CFAP206: variants seen among roughly 807,000 people sequenced by gnomAD.
The protein encoded by CFAP206 is cilia- and flagella-associated protein 206.
A neutral mutation model predicts 65.4 loss-of-function variants in CFAP206; 53 were observed. The ratio of observed to expected loss-of-function variants is 0.81; its 90% CI spans 0.65 to 1.02. The LOEUF (loss-of-function observed/expected upper bound fraction) is 1.02. Among genes scored for constraint, CFAP206 ranks in the 50% least tolerant of loss-of-function variants. The pLI, the probability that CFAP206 is intolerant of heterozygous loss-of-function variation, is 0.00. For synonymous variants in CFAP206, 250 were observed against 254.4 expected (o/e 0.98, Z 0.17); for missense variants, 663 against 753.2 (o/e 0.88, Z 1.40).
At chr6:87,417,941 T>C (rs576124102) in intron 6 of CFAP206, among the ~76,000 whole-genome samples, 4 of 152,046 alleles carry the variant, frequency 2.6e-5, no homozygotes, top group African/African-American at 9.6e-5. Flanking sequence ...GGTTTCACCA[T>C]GTTGGCCAGG....
intron 11 of CFAP206, chr6:87,435,761 G>A (rs1332910290): frequency 1.3e-5 from 2 of 152,222 alleles, no homozygotes; most frequent in Non-Finnish European, 2.9e-5. Flanking sequence ...CTGGGTTCAA[G>A]GGATCGTCTT....
In CFAP206 at chr6:87,413,567, G is replaced by A. The variant is rs149398151; in HGVS notation, c.193-243G>A. 8.1e-3 allele frequency among the ~76,000 whole-genome samples: 1,226 copies of A among 151,824 alleles called. 6 individuals carry two copies. The highest frequency in any genetic ancestry group is 0.014 in the Middle Eastern group (4 of 292). ...AAAAGCCCAGGCTTCACCACTACAC[G>A]CAATATATCCATGTAACAAAATGAC... is the stretch of plus-strand genomic sequence containing the variant. On this transcript the variant is annotated intron_variant, in intron 3 of 12. Coordinates refer to ENST00000369562, the MANE Select transcript of CFAP206 (RefSeq NM_001031743.3).
At chr6:87,448,003 C>T (rs1002383362) in intron 11 of CFAP206, among the ~76,000 whole-genome samples, 4 of 124,194 alleles carry the variant, frequency 3.2e-5, no homozygotes, top group East Asian at 4.7e-4. Context: ...ATGTGCAGAA[C>T]GTGCAGGTTT....
intron 11 of CFAP206, among the ~76,000 whole-genome samples, chr6:87,454,857 A>AAC (rs1384959321): frequency 2.0e-5 from 3 of 149,166 alleles, no homozygotes; most frequent in Non-Finnish European, 3.0e-5. Context: ...AAAAAAAAAA[A>AAC]AACAAAACAA....
intron 11 of CFAP206, among the ~76,000 whole-genome samples, chr6:87,438,534 G>A (rs1768312087): frequency 6.6e-6 from 1 of 151,372 alleles, no homozygotes; most frequent in Non-Finnish European, 1.5e-5. Flanking sequence ...TGTCATCACA[G>A]AAATATTTTT....
chr6:87,440,054 T>G (rs762353132), intron 11 of CFAP206, among the ~76,000 whole-genome samples: 2 of 152,140 alleles, frequency 1.3e-5, no homozygotes, highest in Non-Finnish European at 2.9e-5. Flanking sequence ...GAATACTGAT[T>G]GAAATTGCCT....
At chr6:87,462,817 T>C (rs1768768801) in intron 12 of CFAP206, among the ~76,000 whole-genome samples, 1 of 152,208 alleles carries the variant, frequency 6.6e-6, no homozygotes, top group Admixed American at 6.5e-5. Flanking sequence ...TGGGCCTTAT[T>C]ATTCCCTAGA....
rs1207730242 is a variant in CFAP206, at chr6:87,431,046, T to C, written c.1173T>C (p.Asn391=). 18 of 1,613,784 alleles carry C rather than the reference T, an allele frequency of 1.1e-5. No individual in the cohort carries two copies. The highest frequency in any genetic ancestry group is 2.2e-5 in the South Asian group (2 of 91,062). The change falls in exon 10 of 13, where the codon AAT becomes AAC. Residue 391 remains asparagine (N), a synonymous_variant. Transcript: ENST00000369562. The part of the protein sequence containing the change: ...RMKEHMEDRV[N]VADFRKLEWL... ...CCTTCATTTTAGAAGATAGAGTAAA[T>C]GTGGCAGATTTCAGAAAACTAGAAT...
At chr6:87,445,443 G>A (rs1443199435) in intron 11 of CFAP206, among the ~76,000 whole-genome samples, 2 of 152,062 alleles carry the variant, frequency 1.3e-5, no homozygotes, top group Non-Finnish European at 2.9e-5. Flanking sequence ...ACTTATAAGT[G>A]AGAACACGTG....
chr6:87,425,386 A>T (rs1333622418), intron 7 of CFAP206, among the ~76,000 whole-genome samples: 1 of 152,242 alleles, frequency 6.6e-6, no homozygotes, highest in Non-Finnish European at 1.5e-5. Context: ...TACATGAAGC[A>T]TGTCTTAGTT....
chr6:87,428,727 G>T lies in CFAP206; in HGVS notation c.1062G>T (p.Leu354Phe), dbSNP rs1768099165. Residue 354 changes from leucine to phenylalanine, a missense_variant, in exon 9 of 13, where the codon TTG becomes TTT. Transcript: ENST00000369562. Reference sequence around the variant, plus strand: ...TATTCACTCACATTCAGCCATTCTTGGGTGCTCACGAACTATACTTTCCTG... The same window carrying T: ...TATTCACTCACATTCAGCCATTCTTTGGTGCTCACGAACTATACTTTCCTG... The part of the protein sequence containing the change: ...SNLFTHIQPF[L>F]GAHELYFPER... The T allele has an allele frequency of 1.9e-6, 3 of 1,613,938 alleles. No individual in the cohort carries two copies. The highest frequency in any genetic ancestry group is 2.7e-5 in the African/African-American group (2 of 74,874).
In CFAP206 at chr6:87,461,164, T is replaced by G. The variant is rs761249622; in HGVS notation, c.1637T>G (p.Leu546Trp). 2 of 1,551,622 alleles carry G rather than the reference T, an allele frequency of 1.3e-6. No homozygotes were observed. The highest frequency in any genetic ancestry group is 1.7e-6 in the Non-Finnish European group (2 of 1,157,010). The change falls in exon 12 of 13, where the codon TTG becomes TGG. Residue 546 changes from leucine (L) to tryptophan (W), a missense_variant and splice_region_variant. Transcript: ENST00000369562. Reference sequence around the variant, plus strand: ...GAATTAAGAAGAAAAGCTATAAAATTGGTTTGTAACAATACTTTCTAGAAT... The same window carrying G: ...GAATTAAGAAGAAAAGCTATAAAATGGGTTTGTAACAATACTTTCTAGAAT... ...EWELRRKAIK[L>W]ANLRQKVTHS...
intron 11 of CFAP206, among the ~76,000 whole-genome samples, chr6:87,447,975 C>T (rs1335568709): frequency 8.4e-5 from 4 of 47,494 alleles, no homozygotes; most frequent in Non-Finnish European, 4.8e-5. Flanking sequence ...TATTACTATA[C>T]TTTAAGTTCT....
chr6:87,445,124 A>T, intron 11 of CFAP206: 1 of 416,848 alleles, frequency 2.4e-6, no homozygotes, highest in South Asian at 1.8e-5. Context: ...CCACTTTCTT[A>T]TCATTTGCGT....
At chr6:87,438,258 C>T (rs9450683) in intron 11 of CFAP206, among the ~76,000 whole-genome samples, 42,094 of 151,676 alleles carry the variant, frequency 0.28, 6,023 homozygotes, top group Admixed American at 0.38. Context: ...GTCAGGAGTT[C>T]GAGACCATCC....
At chr6:87,420,666 T>G (rs1211838489) in intron 7 of CFAP206, among the ~76,000 whole-genome samples, 1 of 152,230 alleles carries the variant, frequency 6.6e-6, no homozygotes, top group Admixed American at 6.5e-5. Context: ...ATGATGTTGT[T>G]TATGATTATC....
At chr6:87,463,972 A>G (rs767659588) in intron 12 of CFAP206, 48 bp from the exon 13 acceptor site, 8 of 1,462,280 alleles carry the variant, frequency 5.5e-6, no homozygotes, top group Non-Finnish European at 7.5e-6. Flanking sequence ...ATTTTATGTT[A>G]TTTGTTCTTT....
At chr6:87,434,194 G>A (rs932016347) in intron 10 of CFAP206, among the ~76,000 whole-genome samples, 1 of 152,032 alleles carries the variant, frequency 6.6e-6, no homozygotes, top group African/African-American at 2.4e-5. Context: ...TTGAGTCCAC[G>A]AGTTCGAGAC....
At chr6:87,410,785 A>G (rs1767722463) in intron 3 of CFAP206, 117 bp downstream of exon 3, 4 of 764,286 alleles carry the variant, frequency 5.2e-6, no homozygotes, top group Non-Finnish European at 8.7e-6. Context: ...AAATAGTAGT[A>G]TACACGAGAT....
Sources: allele counts gnomAD v4.1 joint callset (sites outside exome capture counted in the v4.1 genomes callset), GRCh38; gene constraint gnomAD v4.1.1; transcripts MANE v1.5; gene names NCBI Gene and HGNC (gene_info 2026-07-23, HGNC 2026-07-21).